The following ZRANB1 variants were observed in gnomAD, a reference collection of about 807,000 sequenced individuals.
The protein encoded by ZRANB1 is zinc finger RANBP2-type containing 1, also known as ubiquitin thioesterase ZRANB1.
In ZRANB1, 16 loss-of-function variants were observed where a neutral mutation model predicts 80.5. The observed-to-expected ratio is 0.20, with a 90% confidence interval of 0.13 to 0.30. The LOEUF (loss-of-function observed/expected upper bound fraction) is 0.30. Ranked by LOEUF, ZRANB1 falls within the 10% of genes least tolerant of loss-of-function variation. The probability of loss-of-function intolerance (pLI) is 1.00; values close to 1 mark genes in which losing one functional copy is unlikely to be tolerated. For missense variants in ZRANB1, 576 were observed against 862.6 expected, an observed-to-expected ratio of 0.67 and a Z score of 4.16; for synonymous variants, 291 against 293.1, an observed-to-expected ratio of 0.99 and a Z score of 0.07.
the ZRANB1 span, among the ~76,000 whole-genome samples, chr10:124,924,810 G>C: frequency 9.9e-5 from 15 of 151,884 alleles, no homozygotes; most frequent in Non-Finnish European, 1.6e-4. Context: ...ACTTCTCTTG[G>C]GTATATACCT....
At chr10:124,982,951 TTG>T (rs1285168982) in intron 6 of ZRANB1, among the ~76,000 whole-genome samples, 1 of 152,174 alleles carries the variant, frequency 6.6e-6, no homozygotes, top group Non-Finnish European at 1.5e-5. Context: ...TCTGTATAAT[TTG>T]TGAGTTTGGA....
Position 124,942,429 on chromosome 10 carries a change from T to G in ZRANB1, c.-65T>G, listed in dbSNP as rs758594978. 1.3e-6 allele frequency: 2 copies of G among 1,590,108 alleles called. No homozygotes were observed. The highest frequency in any genetic ancestry group is 1.4e-5 in the African/African-American group (1 of 74,020). The stretch of plus-strand genomic sequence containing the variant: ...TTTTTGGAGGTGGAATGTAGTTATT[T>G]TAATAACCATGTCCTAATTATTTAT... On this transcript the variant is annotated 5_prime_UTR_variant, in exon 1 of 9. Transcript: ENST00000359653.
At chr10:124,954,146 T>TG in intron 1 of ZRANB1, among the ~76,000 whole-genome samples, 1 of 137,456 alleles carries the variant, frequency 7.3e-6, no homozygotes, top group Non-Finnish European at 1.6e-5. Flanking sequence ...TCCTGTTTTT[T>TG]TTTTTTTTTT....
At chr10:124,939,947 A>G (rs972325428), upstream of ZRANB1, among the ~76,000 whole-genome samples, 3 of 139,650 alleles carry the variant, frequency 2.1e-5, no homozygotes, top group African/African-American at 7.4e-5. Flanking sequence ...TTTAAACAAG[A>G]TAATTTTATA....
intron 1 of ZRANB1, among the ~76,000 whole-genome samples, chr10:124,963,909 T>C (rs560947607): frequency 2.0e-5 from 3 of 152,366 alleles, no homozygotes; most frequent in Admixed American, 6.5e-5. Context: ...TAATTTTCTT[T>C]TAGATATTAT....
In ZRANB1 at chr10:124,986,489, C is replaced by T. The variant is rs1483675101; in HGVS notation, c.*1497C>T. 1 of 152,032 alleles carries T rather than the reference C, an allele frequency of 6.6e-6. No individual in the cohort carries two copies. The highest frequency in any genetic ancestry group is 1.5e-5 in the Non-Finnish European group (1 of 68,006). The allele number at this position is 152,032 out of a possible 1,614,324, so 9.4% of individuals were successfully genotyped here. On this transcript the variant is annotated 3_prime_UTR_variant, in exon 9 of 9. Transcript: ENST00000359653. ...ACTGTCATGTCTTTAGTTCTTTCCC[C>T]CCGAAAACTCAGTAAAAAGGTGTTC...
chr10:124,922,336 A>ATATATGTAAAATATATATATATATATTT, the ZRANB1 span, among the ~76,000 whole-genome samples: 2 of 44,774 alleles, frequency 4.5e-5, no homozygotes, highest in African/African-American at 1.1e-4. Flanking sequence ...GTATATATAT[A>ATATATGTAAAATATATATATATATATTT]TTTTTTTTTT....
intron 1 of ZRANB1, among the ~76,000 whole-genome samples, chr10:124,957,188 T>A (rs912748173): frequency 5.3e-5 from 8 of 152,146 alleles, no homozygotes; most frequent in African/African-American, 1.9e-4. Context: ...TTTTTTTTAT[T>A]TCATGATTGA....
chr10:124,940,488 C>T (rs1280664898), upstream of ZRANB1: 1 of 1,287,806 alleles, frequency 7.8e-7, no homozygotes, highest in Non-Finnish European at 1.0e-6. Context: ...GATTTGCAAA[C>T]CGTACTTTTA....
upstream of ZRANB1, among the ~76,000 whole-genome samples, chr10:124,940,742 G>A (rs769926626): frequency 3.0e-4 from 45 of 152,180 alleles, no homozygotes; most frequent in Non-Finnish European, 4.6e-4. Flanking sequence ...TTGGGAGGTC[G>A]AGGTGGGTGG....
Position 124,958,057 on chromosome 10 carries a change from T to A in ZRANB1, c.815-8537T>A, listed in dbSNP as rs1192810092. ...AATTTCCTTCCTTTTTGAGACTGAA[T>A]AATATTTCATTGTATGTGTATACCA... On this transcript the variant is annotated intron_variant, in intron 1 of 8. Coordinates refer to ENST00000359653, the MANE Select transcript of ZRANB1 (RefSeq NM_017580.3). 3.3e-5 allele frequency among the ~76,000 whole-genome samples: 5 copies of A among 152,242 alleles called. No homozygotes were observed. In the East Asian group the frequency reaches 9.6e-4, roughly 29 times the overall value.
At position 124,987,855 on chromosome 10, in the gene ZRANB1, T is replaced by C. The variant is rs1347097060; in HGVS notation, c.*2863T>C. The C allele has an allele frequency of 6.6e-6, 1 of 152,216 alleles. No homozygotes were observed. The highest frequency in any genetic ancestry group is 6.5e-5 in the Admixed American group (1 of 15,276). 9.4% of individuals were successfully genotyped at this position (152,216 alleles called of 1,614,324 possible). The stretch of plus-strand genomic sequence containing the variant: ...CTTAATTGACACTTGCAAATACTTT[T>C]AGTATAAAGGTTTAATTCTATTTAA... On this transcript the variant is annotated 3_prime_UTR_variant, in exon 9 of 9. Transcript: ENST00000359653.
At chr10:124,946,085 G>A (rs768012416) in intron 1 of ZRANB1, among the ~76,000 whole-genome samples, 2 of 152,028 alleles carry the variant, frequency 1.3e-5, no homozygotes, top group Non-Finnish European at 2.9e-5. Context: ...CACTGGGTCC[G>A]GCCCATCTCT....
chr10:124,974,259 A>G lies in ZRANB1; in HGVS notation c.1288A>G (p.Ser430Gly). 6.2e-7 allele frequency: 1 copy of G among 1,614,292 alleles called. No individual in the cohort carries two copies. Among genetic ancestry groups the G allele is most frequent in the Non-Finnish European group, 8.5e-7 (1 of 1,180,048 alleles). Reference protein sequence around the residue: ...WSLELATRLDSRLYALWNRTA... With the variant: ...WSLELATRLDGRLYALWNRTA... ...CTTGGAATTGGCTACACGTTTGGACAGTCGACTGTATGCACTTTGGAACCG... is the reference window on the plus strand; with the variant it reads ...CTTGGAATTGGCTACACGTTTGGACGGTCGACTGTATGCACTTTGGAACCG... The change falls in exon 5 of 9, where the codon AGT becomes GGT. Residue 430 changes from serine (S) to glycine (G), a missense_variant. Around this residue, in one of 3 missense-constraint regions of ZRANB1, gnomAD observed 411 missense variants for 583.1 expected, o/e 0.70. Coordinates refer to ENST00000359653, the MANE Select transcript of ZRANB1 (RefSeq NM_017580.3).
chr10:124,963,265 C>CAAAA (rs397844792), intron 1 of ZRANB1, among the ~76,000 whole-genome samples: 2 of 62,368 alleles, frequency 3.2e-5, no homozygotes, highest in Non-Finnish European at 6.7e-5. Context: ...GACTCTGTCT[C>CAAAA]AAAAAAAAAA....
chr10:124,966,537 T>G, intron 1 of ZRANB1, 57 bp from the exon 2 acceptor site: 1 of 1,550,430 alleles, frequency 6.4e-7, no homozygotes, highest in Non-Finnish European at 8.9e-7. Context: ...TGCTACGGTT[T>G]GTGTTTTTTG....
chr10:124,917,206 G>C, the ZRANB1 span: 1 of 171,994 alleles, frequency 5.8e-6, no homozygotes, highest in African/African-American at 2.4e-5. Flanking sequence ...CGCCGCCGCC[G>C]CCGCCGCCAA....
intron 5 of ZRANB1, among the ~76,000 whole-genome samples, chr10:124,981,003 G>A (rs1951927615): frequency 6.6e-6 from 1 of 152,206 alleles, no homozygotes; most frequent in Non-Finnish European, 1.5e-5. Context: ...GAAGATAAAT[G>A]TGATGTTATA....
chr10:124,917,193 C>G, the ZRANB1 span: 1 of 171,160 alleles, frequency 5.8e-6, no homozygotes, highest in Non-Finnish European at 1.2e-5. Context: ...CCGCCGCCGC[C>G]GCCGCCGCCG....
Sources: allele counts gnomAD v4.1 joint callset (sites outside exome capture counted in the v4.1 genomes callset), GRCh38; gene constraint gnomAD v4.1.1; regional missense constraint gnomAD v4.1.1; transcripts MANE v1.5; gene names NCBI Gene and HGNC (gene_info 2026-07-23, HGNC 2026-07-21).